The following SERPINI2 variants were observed in gnomAD, a reference collection of about 807,000 sequenced individuals.
The protein encoded by SERPINI2 is serpin family I member 2, also known as serpin I2.
In SERPINI2, 48 loss-of-function variants were observed where a neutral mutation model predicts 47.3. That is an observed-to-expected ratio of 1.02 (90% confidence interval 0.81 to 1.29). The LOEUF is 1.29. Among genes scored for constraint, SERPINI2 ranks in the 50% most tolerant of loss-of-function variants. SERPINI2 has a pLI of 0.00. For missense variants in SERPINI2, 448 were observed against 456.9 expected (o/e 0.98, Z 0.18); for synonymous variants, 135 against 149.3 (o/e 0.90, Z 0.70).
intron 5 of SERPINI2, among the ~76,000 whole-genome samples, chr3:167,458,903 C>T (rs1337108721): frequency 6.6e-6 from 1 of 152,126 alleles, no homozygotes; most frequent in South Asian, 2.1e-4. Context: ...TAAATGCTAA[C>T]ACTTCACAAA....
At chr3:167,461,157 C>T (rs1171905858) in intron 5 of SERPINI2, among the ~76,000 whole-genome samples, 3 of 151,854 alleles carry the variant, frequency 2.0e-5, no homozygotes, top group Non-Finnish European at 4.4e-5. Flanking sequence ...GGGCCTGCCA[C>T]ACAGAAGAGA....
chr3:167,459,915 A>G (rs1182349518), intron 5 of SERPINI2, among the ~76,000 whole-genome samples: 1 of 152,176 alleles, frequency 6.6e-6, no homozygotes, highest in Non-Finnish European at 1.5e-5. Context: ...CCACACGAAG[A>G]CAGATGGCTA....
chr3:167,447,698 G>T (rs1025319574), intron 7 of SERPINI2, among the ~76,000 whole-genome samples: 1 of 152,144 alleles, frequency 6.6e-6, no homozygotes, highest in African/African-American at 2.4e-5. Flanking sequence ...AATATAATGA[G>T]ATCAAACAAT....
At chr3:167,471,503 A>G in intron 2 of SERPINI2, 85 bp downstream of exon 2, 1 of 1,329,096 alleles carries the variant, frequency 7.5e-7, no homozygotes, top group Non-Finnish European at 1.0e-6. Flanking sequence ...ACTTATTAAA[A>G]TTTCTTTATC....
At chr3:167,444,196 C>T (rs1206174531) in intron 8 of SERPINI2, among the ~76,000 whole-genome samples, 1 of 152,098 alleles carries the variant, frequency 6.6e-6, no homozygotes, top group African/African-American at 2.4e-5. Flanking sequence ...AGGAATGGTA[C>T]CTTTCATGAG....
chr3:167,453,198 A>G (rs1351187877), intron 5 of SERPINI2, among the ~76,000 whole-genome samples, 165 bp from the exon 6 acceptor site: 1 of 152,140 alleles, frequency 6.6e-6, no homozygotes, highest in African/African-American at 2.4e-5. Context: ...GGCTCCAACA[A>G]TCAGCTCTGG....
chr3:167,450,799 G>C (rs1749619456), intron 6 of SERPINI2, among the ~76,000 whole-genome samples: 1 of 152,030 alleles, frequency 6.6e-6, no homozygotes, highest in South Asian at 2.1e-4. Context: ...AAGGAGTGAA[G>C]AATTTCACCC....
At chr3:167,454,185 G>T (rs1749725345) in intron 5 of SERPINI2, among the ~76,000 whole-genome samples, 1 of 152,188 alleles carries the variant, frequency 6.6e-6, no homozygotes, top group African/African-American at 2.4e-5. Context: ...GGGGCAATCA[G>T]TCTAATTAGA....
exon 1 of SERPINI2, chr3:167,474,107 T>C (rs71304631): frequency 0.068 from 67,825 of 1,004,598 alleles, 2,443 homozygotes; most frequent in Non-Finnish European, 0.074. Flanking sequence ...ACTCCATTTA[T>C]CTTGACCATT....
chr3:167,444,812 AT>A (rs1418328832), intron 8 of SERPINI2, among the ~76,000 whole-genome samples: 1 of 152,112 alleles, frequency 6.6e-6, no homozygotes, highest in African/African-American at 2.4e-5. Context: ...TAAGTGGGTT[AT>A]TTTGGGTTTT....
At chr3:167,459,078 G>GTTTTTTTTTTTTTTTGTTTT (rs536122299) in intron 5 of SERPINI2, among the ~76,000 whole-genome samples, 1 of 139,028 alleles carries the variant, frequency 7.2e-6, no homozygotes, top group African/African-American at 2.7e-5. Flanking sequence ...GTTTTTTTTT[G>GTTTTTTTTTTTTTTTGTTTT]TTTTTTTTTT....
At chr3:167,449,586 C>A (rs1436580423) in intron 6 of SERPINI2, among the ~76,000 whole-genome samples, 184 bp from the exon 7 acceptor site, 3 of 152,112 alleles carry the variant, frequency 2.0e-5, no homozygotes, top group African/African-American at 4.8e-5. Context: ...CCTCTGCCTC[C>A]CAGATTCAAA....
chr3:167,445,893 G>A (rs945081556), intron 8 of SERPINI2, among the ~76,000 whole-genome samples: 1 of 152,132 alleles, frequency 6.6e-6, no homozygotes, highest in African/African-American at 2.4e-5. Context: ...CCAAGTTGAA[G>A]ATTTGAAATT....
chr3:167,444,759 G>T (rs1749424351), intron 8 of SERPINI2, among the ~76,000 whole-genome samples: 1 of 152,122 alleles, frequency 6.6e-6, no homozygotes, highest in African/African-American at 2.4e-5. Context: ...AGTTCAAACT[G>T]TCATTAAGAC....
intron 2 of SERPINI2, chr3:167,469,661 A>T (rs558020569): frequency 2.3e-4 from 35 of 152,324 alleles, no homozygotes; most frequent in African/African-American, 7.7e-4. Context: ...AGGGAGTATT[A>T]ACAGATGTTC....
At chr3:167,471,729 C>T (rs1444472115) in exon 2 of SERPINI2, 1 of 1,613,558 alleles carries the variant, frequency 6.2e-7, no homozygotes, top group Non-Finnish European at 8.5e-7. Context: ...AAGGAAACCT[C>T]TTGATAAAGA....
At chr3:167,475,321 A>G (rs1369124705), upstream of SERPINI2, among the ~76,000 whole-genome samples, 3 of 151,808 alleles carry the variant, frequency 2.0e-5, no homozygotes, top group Non-Finnish European at 3.0e-5. Context: ...CTATCATTCA[A>G]TCAATGCTTT....
chr3:167,476,737 A>G (rs1172390492), upstream of SERPINI2, among the ~76,000 whole-genome samples: 2 of 151,986 alleles, frequency 1.3e-5, no homozygotes, highest in Non-Finnish European at 2.9e-5. Flanking sequence ...ATATAGCTTC[A>G]CTTCAGAACG....
At chr3:167,465,530 C>A in exon 4 of SERPINI2, 1 of 1,611,952 alleles carries the variant, frequency 6.2e-7, no homozygotes. Context: ...ACAGTTGAAC[C>A]ATTTTTCTTA....
Sources: allele counts gnomAD v4.1 joint callset (sites outside exome capture counted in the v4.1 genomes callset), GRCh38; gene constraint gnomAD v4.1.1; transcripts MANE v1.5; gene names NCBI Gene and HGNC (gene_info 2026-07-23, HGNC 2026-07-21).